The following KCNH1 variants were observed in gnomAD, a reference collection of about 807,000 sequenced individuals.
KCNH1 encodes potassium voltage-gated channel subfamily H member 1.
A neutral mutation model predicts 69.2 loss-of-function variants in KCNH1; 27 were observed. That is an observed-to-expected ratio of 0.39 (90% confidence interval 0.29 to 0.54). The LOEUF (loss-of-function observed/expected upper bound fraction) is 0.54, where lower values mean the gene tolerates loss of function less well. Among genes scored for constraint, KCNH1 ranks in the 20% least tolerant of loss-of-function variants. The pLI, the probability that KCNH1 is intolerant of heterozygous loss-of-function variation, is 0.68. For missense variants in KCNH1, 798 were observed against 1,261.6 expected (o/e 0.63, Z 5.57); for synonymous variants, 456 against 487.7 (o/e 0.93, Z 0.86).
At chr1:210,994,715 G>A (rs568547583) in intron 6 of KCNH1, among the ~76,000 whole-genome samples, 106 of 152,230 alleles carry the variant, frequency 7.0e-4, no homozygotes, top group Middle Eastern at 3.4e-3. Context: ...TGTAGTCAAC[G>A]CCCTTCAAAA....
intron 7 of KCNH1, among the ~76,000 whole-genome samples, chr1:210,833,579 C>A (rs1231197110): frequency 6.6e-6 from 1 of 152,132 alleles, no homozygotes; most frequent in Non-Finnish European, 1.5e-5. Flanking sequence ...ACCATAAAAA[C>A]CCTAGAAGAA....
chr1:211,047,280 G>C (rs533806256), intron 5 of KCNH1, among the ~76,000 whole-genome samples: 1 of 152,048 alleles, frequency 6.6e-6, no homozygotes, highest in Non-Finnish European at 1.5e-5. Context: ...ACAAATATAG[G>C]CATTGGTCTC....
intron 9 of KCNH1, among the ~76,000 whole-genome samples, chr1:210,775,907 A>G (rs956198907): frequency 3.9e-5 from 6 of 152,098 alleles, no homozygotes; most frequent in Non-Finnish European, 8.8e-5. Context: ...TTACTTATTT[A>G]CTGGTTTATT....
intron 6 of KCNH1, among the ~76,000 whole-genome samples, chr1:210,955,139 C>A (rs1688143240): frequency 1.3e-5 from 2 of 152,150 alleles, no homozygotes; most frequent in Non-Finnish European, 2.9e-5. Context: ...GTTTTCCCAG[C>A]ACCATTTATT....
chr1:210,999,895 C>G (rs1689137768), intron 6 of KCNH1, among the ~76,000 whole-genome samples: 2 of 152,170 alleles, frequency 1.3e-5, no homozygotes, highest in Admixed American at 1.3e-4. Flanking sequence ...AGCATATAAA[C>G]AGAACCAAAG....
At chr1:210,960,812 T>C (rs774415750) in intron 6 of KCNH1, among the ~76,000 whole-genome samples, 24 of 152,230 alleles carry the variant, frequency 1.6e-4, no homozygotes, top group Non-Finnish European at 2.4e-4. Context: ...TATTTGATTT[T>C]TAAAGAAACA....
Position 210,733,947 on chromosome 1 carries a change from T to TCACACACA in KCNH1, c.2112+41400_2112+41401insTGTGTGTG, listed in dbSNP as rs5780602. Among the ~76,000 whole-genome samples the TCACACACA allele has an allele frequency of 9.8e-5, 14 of 142,196 alleles. 1 individual carries two copies. Among genetic ancestry groups the TCACACACA allele is most frequent in the African/African-American group, 3.6e-4 (14 of 38,704 alleles). The allele number at this position is 142,196 out of a possible 152,430, so 93.3% of individuals were successfully genotyped here. A position where few individuals can be genotyped will look rare whatever the true frequency, so the allele number is the denominator to read the frequency against. On this transcript the variant is annotated intron_variant, in intron 10 of 10. Coordinates refer to ENST00000271751, the MANE Select transcript of KCNH1 (RefSeq NM_172362.3). ...CATCTTCAATTAGTATGTCTGTCTG[T>TCACACACA]CTCACACACACACACACACACACAC...
intron 10 of KCNH1, among the ~76,000 whole-genome samples, chr1:210,741,700 G>A (rs979843866): frequency 3.3e-5 from 5 of 152,208 alleles, no homozygotes; most frequent in Non-Finnish European, 5.9e-5. Context: ...CCCAAACTGT[G>A]TGAGGCCTGC....
intron 10 of KCNH1, among the ~76,000 whole-genome samples, chr1:210,707,491 C>T (rs1322851621): frequency 9.2e-5 from 14 of 152,220 alleles, no homozygotes; most frequent in Non-Finnish European, 2.9e-5. Context: ...AAGCCATGCT[C>T]TGCTGTGCTC....
intron 1 of KCNH1, among the ~76,000 whole-genome samples, chr1:211,126,510 CAA>C (rs397963989): frequency 5.9e-5 from 7 of 118,512 alleles, no homozygotes; most frequent in Admixed American, 8.5e-5. Context: ...ACTCTGTCTC[CAA>C]AAAAAAAAAA....
intron 6 of KCNH1, among the ~76,000 whole-genome samples, chr1:210,978,919 C>T (rs1287672114): frequency 1.3e-5 from 2 of 152,176 alleles, no homozygotes; most frequent in African/African-American, 4.8e-5. Flanking sequence ...TTAGTGTCTC[C>T]TCTGCATATT....
chr1:211,006,512 C>T (rs1362655714), intron 6 of KCNH1, among the ~76,000 whole-genome samples: 4 of 152,216 alleles, frequency 2.6e-5, no homozygotes, highest in East Asian at 1.9e-4. Flanking sequence ...AAAACTCTAG[C>T]GTTAGAAATC....
rs554056729 is a variant in KCNH1 at position 210,805,961 on chromosome 1, AT to A, written c.1463-1796del. Among the ~76,000 whole-genome samples the A allele has an allele frequency of 2.6e-5, 4 of 152,308 alleles. No homozygotes were observed. The East Asian group carries it at 7.7e-4, about 29-fold the overall frequency. On this transcript the variant is annotated intron_variant, in intron 7 of 10. Coordinates refer to ENST00000271751, the MANE Select transcript of KCNH1 (RefSeq NM_172362.3). ...CTACTCTATTGTGTGGATATTCCAC[AT>A]TTCATTTATCCATTCATCAGTTCAT...
chr1:210,862,097 T>C (rs1447063537), intron 7 of KCNH1: 23 of 976,490 alleles, frequency 2.4e-5, no homozygotes, highest in Non-Finnish European at 3.7e-5. Context: ...TACTGTGTTA[T>C]ATTTTTCAAA....
At chr1:210,844,965 C>G (rs1428362555) in intron 7 of KCNH1, among the ~76,000 whole-genome samples, 1 of 152,154 alleles carries the variant, frequency 6.6e-6, no homozygotes, top group Non-Finnish European at 1.5e-5. Context: ...CGCAAATAAA[C>G]TAGAAAATCT....
chr1:210,977,396 A>G (rs190482933), intron 6 of KCNH1, among the ~76,000 whole-genome samples: 4 of 152,250 alleles, frequency 2.6e-5, no homozygotes, highest in Admixed American at 2.6e-4. Flanking sequence ...ATACATATGT[A>G]ACAAACCTGC....
At chr1:210,755,995 G>A (rs1434612248) in intron 10 of KCNH1, among the ~76,000 whole-genome samples, 6 of 152,244 alleles carry the variant, frequency 3.9e-5, no homozygotes, top group Non-Finnish European at 4.4e-5. Context: ...GTGACTTTAC[G>A]AAAGGAGAGG....
At chr1:210,736,748 G>C (rs1472124578) in intron 10 of KCNH1, among the ~76,000 whole-genome samples, 1 of 152,188 alleles carries the variant, frequency 6.6e-6, no homozygotes, top group African/African-American at 2.4e-5. Context: ...GAAGAGGTTA[G>C]AGCAGCTGTG....
chr1:210,733,740 G>C (rs754541033), intron 10 of KCNH1, among the ~76,000 whole-genome samples: 1 of 152,112 alleles, frequency 6.6e-6, no homozygotes, highest in Non-Finnish European at 1.5e-5. Context: ...GTCTGGGCAG[G>C]GCTGTGAAAA....
Sources: gnomAD v4.1 joint callset for allele counts (sites outside exome capture counted in the v4.1 genomes callset) on GRCh38, gnomAD v4.1.1 for gene constraint, MANE v1.5 for transcripts, NCBI Gene and HGNC (gene_info 2026-07-23, HGNC 2026-07-21) for gene names.